Variants in RBFOX1 observed in about 807,000 individuals in gnomAD.
RBFOX1 encodes RNA binding fox-1 homolog 1, also known as RNA binding protein fox-1 homolog 1.
A neutral mutation model predicts 57.7 loss-of-function variants in RBFOX1; 8 were observed. That is an observed-to-expected ratio of 0.14 (90% CI 0.08 to 0.25). The LOEUF is 0.25. RBFOX1 is among the 10% of genes least tolerant of loss of function. The pLI is 1.00. For missense variants in RBFOX1, 611 were observed against 548.5 expected (o/e 1.11, Z -1.14); for synonymous variants, 326 against 222.4 (o/e 1.47, Z -4.15).
chr16:7,591,463 G>A (rs1167443276), intron 7 of RBFOX1, among the ~76,000 whole-genome samples: 1 of 152,058 alleles, frequency 6.6e-6, no homozygotes, highest in Admixed American at 6.5e-5. Flanking sequence ...AAATACAAAA[G>A]ATGAAAAAAG....
intron 4 of RBFOX1, among the ~76,000 whole-genome samples, chr16:7,452,000 C>A (rs982883373): frequency 2.6e-5 from 4 of 152,058 alleles, no homozygotes; most frequent in Non-Finnish European, 5.9e-5. Context: ...GAGACTAGTA[C>A]GACCAAAGAG....
chr16:7,467,617 A>T (rs1351356906), intron 4 of RBFOX1, among the ~76,000 whole-genome samples: 3 of 152,206 alleles, frequency 2.0e-5, no homozygotes, highest in African/African-American at 7.2e-5. Flanking sequence ...CAACTGTAAA[A>T]TTGTGGTATG....
chr16:6,569,338 C>T (rs919015942), intron 2 of RBFOX1, among the ~76,000 whole-genome samples: 1 of 152,178 alleles, frequency 6.6e-6, no homozygotes, highest in Non-Finnish European at 1.5e-5. Flanking sequence ...GTAGTATCTA[C>T]CTCATGGAGT....
intron 1 of RBFOX1, among the ~76,000 whole-genome samples, chr16:5,294,234 C>T (rs1181867991): frequency 1.3e-5 from 2 of 151,922 alleles, no homozygotes; most frequent in Non-Finnish European, 2.9e-5. Flanking sequence ...GTCTCAAAAA[C>T]AAAAAACAAG....
chr16:6,609,439 C>G (rs1297005806), intron 2 of RBFOX1, among the ~76,000 whole-genome samples: 1 of 152,002 alleles, frequency 6.6e-6, no homozygotes, highest in Non-Finnish European at 1.5e-5. Context: ...CCTCTGCCTC[C>G]CAGGCTCAAT....
rs142861458 is a variant in RBFOX1, at chr16:5,812,448, G to C, written c.319-54855G>C. On this transcript the variant is annotated intron_variant, in intron 3 of 19. Transcript: ENST00000641259. Reference sequence around the variant, plus strand: ...TCACATACACTCACCAACATGATCAGTCTTTTTCTCTTTTTTTTTTTTTTT... The same window carrying C: ...TCACATACACTCACCAACATGATCACTCTTTTTCTCTTTTTTTTTTTTTTT... 4.1e-3 allele frequency among the ~76,000 whole-genome samples: 584 copies of C among 141,800 alleles called. 1 individual carries two copies. Among genetic ancestry groups the C allele is most frequent in the African/African-American group, 0.015 (569 of 38,070 alleles). 93.0% of individuals were successfully genotyped at this position (141,800 alleles called of 152,430 possible).
chr16:6,794,818 T>G (rs767215461), intron 3 of RBFOX1, among the ~76,000 whole-genome samples: 1 of 152,170 alleles, frequency 6.6e-6, no homozygotes, highest in South Asian at 2.1e-4. Flanking sequence ...GGATTTTTAT[T>G]TGATGCAGGC....
rs192413889 is a variant in RBFOX1 at position 5,972,291 on chromosome 16, A to C, written c.351+104956A>C. Among the ~76,000 whole-genome samples, 214 of 152,330 alleles carry C rather than the reference A, an allele frequency of 1.4e-3. 1 individual carries two copies. The highest frequency in any genetic ancestry group is 4.9e-3 in the African/African-American group (203 of 41,562). ...ACAGTTGCTAAGTGGATTCCTAGAA[A>C]AAATGTTATTTCCATAGGCTACACA... On this transcript the variant is annotated intron_variant, in intron 4 of 19. Coordinates refer to the RBFOX1 transcript ENST00000641259.
chr16:5,431,924 G>A (rs1362745576), intron 1 of RBFOX1, among the ~76,000 whole-genome samples: 2 of 152,076 alleles, frequency 1.3e-5, no homozygotes, highest in South Asian at 2.1e-4. Flanking sequence ...AGTAGGATTC[G>A]AATCCTCTGA....
intron 3 of RBFOX1, among the ~76,000 whole-genome samples, chr16:5,819,267 C>T (rs2055759545): frequency 6.6e-6 from 1 of 152,194 alleles, no homozygotes; most frequent in Non-Finnish European, 1.5e-5. Flanking sequence ...ATCATACGAG[C>T]TCTCTGGGAT....
chr16:6,314,737 T>C (rs904128199), intron 1 of RBFOX1, among the ~76,000 whole-genome samples: 1 of 152,122 alleles, frequency 6.6e-6, no homozygotes, highest in Non-Finnish European at 1.5e-5. Flanking sequence ...TGCATGCAAA[T>C]TTTGATATGA....
intron 3 of RBFOX1, among the ~76,000 whole-genome samples, chr16:6,685,727 C>A (rs920362110): frequency 6.6e-6 from 1 of 152,112 alleles, no homozygotes; most frequent in Non-Finnish European, 1.5e-5. Context: ...CTCAAGAATA[C>A]CAATTTTAAC....
At chr16:7,430,548 G>C (rs1275445582) in intron 4 of RBFOX1, among the ~76,000 whole-genome samples, 2 of 151,882 alleles carry the variant, frequency 1.3e-5, no homozygotes, top group Non-Finnish European at 2.9e-5. Flanking sequence ...TGTAGTCCCA[G>C]CTACTCGAGA....
intron 2 of RBFOX1, among the ~76,000 whole-genome samples, chr16:6,647,911 G>A (rs1026265181): frequency 5.9e-5 from 9 of 152,090 alleles, no homozygotes; most frequent in South Asian, 2.1e-4. Context: ...GTGCAATCTC[G>A]GCTTACTGCA....
At chr16:6,259,037 A>C (rs150789705) in intron 1 of RBFOX1, among the ~76,000 whole-genome samples, 89 of 152,362 alleles carry the variant, frequency 5.8e-4, no homozygotes, top group African/African-American at 1.9e-3. Flanking sequence ...TTTCTAAATC[A>C]AAATTGTTAT....
intron 2 of RBFOX1, among the ~76,000 whole-genome samples, chr16:6,627,957 C>G (rs1277677544): frequency 6.6e-5 from 10 of 152,344 alleles, no homozygotes; most frequent in African/African-American, 2.4e-4. Context: ...GGCCCACTCT[C>G]AGCCTCGCTG....
chr16:5,374,262 A>G (rs2065932713), intron 1 of RBFOX1, among the ~76,000 whole-genome samples: 1 of 152,228 alleles, frequency 6.6e-6, no homozygotes. Context: ...AGTTATTTAT[A>G]GCAATGCAAG....
At chr16:6,629,784 T>C (rs112531630) in intron 2 of RBFOX1, among the ~76,000 whole-genome samples, 341 of 152,336 alleles carry the variant, frequency 2.2e-3, no homozygotes, top group Admixed American at 4.1e-3. Flanking sequence ...TGAGATAGCT[T>C]CGCTATTAGC....
intron 3 of RBFOX1, among the ~76,000 whole-genome samples, chr16:6,769,819 C>T (rs1603618671): frequency 6.6e-6 from 1 of 152,046 alleles, no homozygotes; most frequent in African/African-American, 2.4e-5. Context: ...GCAATGATGC[C>T]ACAAAACACA....
Sources: gnomAD v4.1 joint callset for allele counts (sites outside exome capture counted in the v4.1 genomes callset) on GRCh38, gnomAD v4.1.1 for gene constraint, MANE v1.5 for transcripts, NCBI Gene and HGNC (gene_info 2026-07-23, HGNC 2026-07-21) for gene names.